Variants in GLIS1 observed in about 807,000 individuals in gnomAD.
GLIS1 encodes the protein zinc finger protein GLIS1.
In GLIS1, 24 loss-of-function variants were observed where a neutral mutation model predicts 63.8. The observed-to-expected ratio is 0.38, with a 90% CI of 0.27 to 0.53. GLIS1 has a LOEUF of 0.53. GLIS1 is among the 20% of genes least tolerant of loss of function. The pLI, the probability that GLIS1 is intolerant of heterozygous loss-of-function variation, is 0.85. For missense variants in GLIS1, 1,036 were observed against 1,074.1 expected (o/e 0.96, Z 0.50); for synonymous variants, 450 against 482.5 (o/e 0.93, Z 0.88).
In GLIS1 at chr1:53,518,882, G is replaced by A. The variant is rs115110973; in HGVS notation, c.1726+1752C>T. On this transcript the variant is annotated intron_variant, in intron 7 of 10. Coordinates refer to ENST00000628545, the MANE Select transcript of GLIS1 (RefSeq NM_001367484.1). ...CTGAGGCCGGCATCTGGGAGAACAG[G>A]CTTGCAGCCTGGACTGGCTGCTGAC... 3.2e-3 allele frequency among the ~76,000 whole-genome samples: 488 copies of A among 152,356 alleles called. 4 individuals carry two copies. The highest frequency in any genetic ancestry group is 4.6e-3 in the Non-Finnish European group (313 of 68,032).
chr1:53,530,056 C>T, intron 4 of GLIS1, 104 bp from the exon 5 acceptor site: 2 of 1,055,418 alleles, frequency 1.9e-6, no homozygotes, highest in African/African-American at 1.6e-5. Flanking sequence ...CCCTGCCCCT[C>T]CCATCCTGCT....
chr1:53,515,497 G>C (rs1275898593), intron 7 of GLIS1, among the ~76,000 whole-genome samples: 1 of 152,100 alleles, frequency 6.6e-6, no homozygotes, highest in Non-Finnish European at 1.5e-5. Flanking sequence ...ACTGAGGAGA[G>C]GAGTCAGCCT....
chr1:53,571,283 G>C (rs921964412), intron 4 of GLIS1, among the ~76,000 whole-genome samples: 2 of 152,214 alleles, frequency 1.3e-5, no homozygotes, highest in African/African-American at 4.8e-5. Flanking sequence ...ACTTCAATAT[G>C]CTGTAGGTGC....
intron 2 of GLIS1, among the ~76,000 whole-genome samples, chr1:53,699,197 T>A (rs1308160567): frequency 1.3e-5 from 2 of 152,118 alleles, no homozygotes; most frequent in Non-Finnish European, 2.9e-5. Context: ...CCTGAGTAGC[T>A]GGGACTACAG....
At chr1:53,715,654 C>T (rs968254290) in intron 2 of GLIS1, among the ~76,000 whole-genome samples, 4 of 152,030 alleles carry the variant, frequency 2.6e-5, no homozygotes, top group Admixed American at 6.6e-5. Flanking sequence ...GAGGCAGGGA[C>T]GCCAGCAGGG....
intron 4 of GLIS1, among the ~76,000 whole-genome samples, chr1:53,556,544 T>C (rs138821558): frequency 0.13 from 17,732 of 132,356 alleles, 1,521 homozygotes; most frequent in Non-Finnish European, 0.14. Flanking sequence ...TGCAGGTGTG[T>C]GTGTGTGCAG....
intron 2 of GLIS1, among the ~76,000 whole-genome samples, chr1:53,628,080 G>T (rs1645614219): frequency 6.6e-6 from 1 of 152,186 alleles, no homozygotes; most frequent in East Asian, 1.9e-4. Context: ...GCCCTGAGGG[G>T]CCAGTCCCCC....
At chr1:53,613,063 C>T (rs552266103) in intron 2 of GLIS1, among the ~76,000 whole-genome samples, 39 of 152,288 alleles carry the variant, frequency 2.6e-4, no homozygotes, top group African/African-American at 7.7e-4. Flanking sequence ...AGGTGATCCA[C>T]CCACCTTGGC....
At chr1:53,534,147 C>T (rs1644559341) in intron 4 of GLIS1, among the ~76,000 whole-genome samples, 1 of 151,856 alleles carries the variant, frequency 6.6e-6, no homozygotes, top group Non-Finnish European at 1.5e-5. Flanking sequence ...GGGAGGGAAC[C>T]CCCACCATTG....
intron 2 of GLIS1, among the ~76,000 whole-genome samples, chr1:53,634,148 A>C (rs1056744989): frequency 1.3e-5 from 2 of 152,282 alleles, no homozygotes; most frequent in Non-Finnish European, 1.5e-5. Context: ...TTTGGGGAGG[A>C]CATCAGGAGC....
chr1:53,514,160 G>A (rs571452225), intron 8 of GLIS1, among the ~76,000 whole-genome samples: 152 of 152,364 alleles, frequency 1.0e-3, no homozygotes, highest in African/African-American at 3.5e-3. Context: ...CCCGCAGGCC[G>A]GGCAATGCCC....
chr1:53,589,292 G>C (rs955387044), intron 4 of GLIS1, among the ~76,000 whole-genome samples: 1 of 152,198 alleles, frequency 6.6e-6, no homozygotes, highest in African/African-American at 2.4e-5. Flanking sequence ...ACAACAGATA[G>C]GGAATGGCTT....
intron 2 of GLIS1, among the ~76,000 whole-genome samples, chr1:53,731,291 T>C (rs1460906413): frequency 6.6e-6 from 1 of 152,234 alleles, no homozygotes; most frequent in Non-Finnish European, 1.5e-5. Context: ...TCCCTAGTTC[T>C]GCAGGGGGAG....
chr1:53,697,736 C>T (rs1423167414), intron 2 of GLIS1, among the ~76,000 whole-genome samples: 2 of 152,336 alleles, frequency 1.3e-5, no homozygotes, highest in Admixed American at 6.5e-5. Context: ...CACTTTTGCA[C>T]GTATTGCCTC....
intron 2 of GLIS1, among the ~76,000 whole-genome samples, chr1:53,651,989 G>T (rs1008528083): frequency 2.0e-5 from 3 of 152,170 alleles, no homozygotes; most frequent in Admixed American, 1.3e-4. Context: ...CGTCCTCAAG[G>T]CCTCTCCAGA....
At chr1:53,668,755 G>C (rs1305128640) in intron 2 of GLIS1, among the ~76,000 whole-genome samples, 4 of 152,176 alleles carry the variant, frequency 2.6e-5, no homozygotes, top group African/African-American at 9.7e-5. Context: ...TAGGTTTGTA[G>C]CCAAGGAGCA....
intron 4 of GLIS1, among the ~76,000 whole-genome samples, chr1:53,589,558 T>C (rs1645168392): frequency 6.6e-6 from 1 of 152,198 alleles, no homozygotes; most frequent in Non-Finnish European, 1.5e-5. Context: ...CTTGGCTAGT[T>C]AAGGCCAATC....
chr1:53,682,390 T>C (rs1646285430), intron 2 of GLIS1, among the ~76,000 whole-genome samples: 1 of 151,930 alleles, frequency 6.6e-6, no homozygotes, highest in African/African-American at 2.4e-5. Flanking sequence ...GCTCACATTC[T>C]GGTGGGGGAA....
intron 8 of GLIS1, among the ~76,000 whole-genome samples, chr1:53,513,906 G>A (rs1356935533): frequency 1.3e-5 from 2 of 152,252 alleles, no homozygotes; most frequent in Non-Finnish European, 2.9e-5. Flanking sequence ...GGAGGAAGGT[G>A]CTGGGGCCAG....
Sources: allele counts gnomAD v4.1 joint callset (sites outside exome capture counted in the v4.1 genomes callset), GRCh38; gene constraint gnomAD v4.1.1; transcripts MANE v1.5; gene names NCBI Gene and HGNC (gene_info 2026-07-23, HGNC 2026-07-21).